CDH13: variants seen among roughly 807,000 people sequenced by gnomAD.
CDH13 encodes the protein cadherin 13.
CDH13 carries 24 observed loss-of-function variants against 63.8 expected under a neutral mutation model. That is an observed-to-expected ratio of 0.38 (90% CI 0.27 to 0.53). CDH13 has a LOEUF of 0.53. Among genes scored for constraint, CDH13 ranks in the 20% least tolerant of loss-of-function variants. CDH13 has a pLI of 0.85. For synonymous variants in CDH13, 503 were observed against 355.3 expected, an observed-to-expected ratio of 1.42 and a Z score of -4.67; for missense variants, 1,049 against 903.1, an observed-to-expected ratio of 1.16 and a Z score of -2.07.
intron 8 of CDH13, among the ~76,000 whole-genome samples, chr16:83,645,917 G>A (rs1414493898): frequency 6.6e-6 from 1 of 152,288 alleles, no homozygotes; most frequent in South Asian, 2.1e-4. Context: ...AAATCATTCT[G>A]CCATTACTTA....
At chr16:82,923,664 A>T (rs75473882) in intron 2 of CDH13, among the ~76,000 whole-genome samples, 4 of 152,234 alleles carry the variant, frequency 2.6e-5, no homozygotes, top group African/African-American at 9.6e-5. Context: ...TAGGATAGCC[A>T]TGAAAATTCA....
intron 1 of CDH13, among the ~76,000 whole-genome samples, chr16:82,690,428 C>T (rs1001065133): frequency 6.6e-6 from 1 of 152,086 alleles, no homozygotes. Context: ...GAGTCATGTT[C>T]TCTGTGGAAT....
intron 7 of CDH13, among the ~76,000 whole-genome samples, chr16:83,543,218 C>T (rs895574479): frequency 6.6e-6 from 1 of 152,190 alleles, no homozygotes; most frequent in Non-Finnish European, 1.5e-5. Flanking sequence ...TTGCCAGAGG[C>T]TTAATGTGTG....
intron 6 of CDH13, among the ~76,000 whole-genome samples, chr16:83,346,487 C>A (rs981880594): frequency 6.6e-6 from 1 of 152,200 alleles, no homozygotes; most frequent in Non-Finnish European, 1.5e-5. Context: ...ATCTGTGGTA[C>A]TCGGGCCCCA....
At chr16:82,902,905 C>A (rs948921941) in intron 2 of CDH13, among the ~76,000 whole-genome samples, 3 of 152,170 alleles carry the variant, frequency 2.0e-5, no homozygotes, top group Non-Finnish European at 4.4e-5. Flanking sequence ...AGGGCGAAGT[C>A]TGGGCAAATT....
intron 1 of CDH13, among the ~76,000 whole-genome samples, chr16:82,743,939 G>C (rs1009581442): frequency 6.6e-6 from 1 of 152,172 alleles, no homozygotes; most frequent in Non-Finnish European, 1.5e-5. Context: ...TTGTTCATCT[G>C]GCATGTATTA....
intron 6 of CDH13, among the ~76,000 whole-genome samples, chr16:83,422,393 C>A (rs2071743641): frequency 6.6e-6 from 1 of 152,208 alleles, no homozygotes; most frequent in Non-Finnish European, 1.5e-5. Context: ...TGAACTAGAA[C>A]ATCCAATTCT....
At position 83,341,984 on chromosome 16, in the gene CDH13, C is replaced by A. The variant is rs561644847; in HGVS notation, c.637-2878C>A. 4.9e-5 allele frequency among the ~76,000 whole-genome samples: 7 copies of A among 142,226 alleles called. No homozygotes were observed. The East Asian group carries it at 1.4e-3, about 29-fold the overall frequency. The allele number at this position is 142,226 out of a possible 152,430, so 93.3% of individuals were successfully genotyped here. ...CCACCATTTATTTTGAATAGGTGTC[C>A]CCTGCCACACACACACACACACACA... On this transcript the variant is annotated intron_variant, in intron 5 of 13. Transcript: ENST00000567109.
chr16:83,363,799 G>A (rs758275034), intron 6 of CDH13, among the ~76,000 whole-genome samples: 30 of 152,202 alleles, frequency 2.0e-4, no homozygotes, highest in Admixed American at 3.3e-4. Flanking sequence ...CTGAGTGGGC[G>A]TGCTCCTCCT....
chr16:83,285,918 C>A (rs1457914519), intron 5 of CDH13, among the ~76,000 whole-genome samples: 1 of 152,128 alleles, frequency 6.6e-6, no homozygotes, highest in African/African-American at 2.4e-5. Flanking sequence ...GGGTGTGGAC[C>A]AAAGAAACAG....
At chr16:82,708,615 C>G (rs942962864) in intron 1 of CDH13, among the ~76,000 whole-genome samples, 47 of 152,152 alleles carry the variant, frequency 3.1e-4, no homozygotes, top group African/African-American at 9.9e-4. Context: ...TCTTACTTGT[C>G]TCTTGATTCT....
chr16:83,721,730 G>A (rs553456093), intron 10 of CDH13: 1 of 152,268 alleles, frequency 6.6e-6, no homozygotes, highest in Admixed American at 6.5e-5. Context: ...AGATAGGAAT[G>A]CTGTAGAAGC....
chr16:83,714,619 A>C (rs1004028328), intron 10 of CDH13, among the ~76,000 whole-genome samples: 3 of 152,240 alleles, frequency 2.0e-5, no homozygotes, highest in Non-Finnish European at 4.4e-5. Context: ...GGACAGTTTC[A>C]AAACATTGTC....
At chr16:83,601,461 T>A (rs893094994) in intron 7 of CDH13, among the ~76,000 whole-genome samples, 6 of 152,166 alleles carry the variant, frequency 3.9e-5, no homozygotes, top group African/African-American at 1.2e-4. Flanking sequence ...TGTGTTAAGT[T>A]TATCAAATCA....
chr16:82,697,823 G>A (rs887194657), intron 1 of CDH13, among the ~76,000 whole-genome samples: 3 of 151,400 alleles, frequency 2.0e-5, no homozygotes, highest in Non-Finnish European at 4.4e-5. Flanking sequence ...TAGCCAAATG[G>A]TTTTGAATAT....
intron 8 of CDH13, among the ~76,000 whole-genome samples, chr16:83,651,588 CT>C (rs35237670): frequency 0.066 from 4,963 of 75,410 alleles, 39 homozygotes; most frequent in Admixed American, 0.088. Flanking sequence ...TTATTTTCCT[CT>C]TTTTTTTTTT....
intron 6 of CDH13, among the ~76,000 whole-genome samples, chr16:83,402,394 C>G (rs969469954): frequency 1.3e-5 from 2 of 152,174 alleles, no homozygotes; most frequent in African/African-American, 4.8e-5. Flanking sequence ...TGCTCTTATC[C>G]CACAAGAACG....
intron 2 of CDH13, among the ~76,000 whole-genome samples, chr16:82,975,941 C>A (rs1454033815): frequency 1.3e-5 from 2 of 152,122 alleles, no homozygotes; most frequent in Non-Finnish European, 2.9e-5. Flanking sequence ...TCCCCCAGCA[C>A]TTTCCAGGAC....
chr16:83,227,020 A>C (rs887297368), intron 5 of CDH13, among the ~76,000 whole-genome samples: 4 of 152,276 alleles, frequency 2.6e-5, no homozygotes, highest in African/African-American at 9.6e-5. Flanking sequence ...GGATACGGAC[A>C]GGTTGTCCTC....
Sources: allele counts gnomAD v4.1 joint callset (sites outside exome capture counted in the v4.1 genomes callset), GRCh38; gene constraint gnomAD v4.1.1; transcripts MANE v1.5; gene names NCBI Gene and HGNC (gene_info 2026-07-23, HGNC 2026-07-21).